Variants in BCAS4 observed in about 807,000 individuals in gnomAD.
BCAS4 encodes breast carcinoma amplified sequence 4.
In BCAS4, 9 loss-of-function variants were observed where a neutral mutation model predicts 15.7. That is an observed-to-expected ratio of 0.57 (90% CI 0.34 to 1.00). BCAS4 has a LOEUF of 1.00. BCAS4 is among the 50% of genes least tolerant of loss of function. The pLI is 0.02. For missense variants in BCAS4, 225 were observed against 239.1 expected, an observed-to-expected ratio of 0.94 and a Z score of 0.39; for synonymous variants, 101 against 99.5, an observed-to-expected ratio of 1.02 and a Z score of -0.09.
intron 4 of BCAS4, among the ~76,000 whole-genome samples, chr20:50,874,428 C>A (rs565575442): frequency 6.6e-6 from 1 of 152,216 alleles, no homozygotes; most frequent in Non-Finnish European, 1.5e-5. Context: ...ACTCCCCCAA[C>A]CCTCTAGGAT....
intron 3 of BCAS4, among the ~76,000 whole-genome samples, chr20:50,833,306 T>A (rs1335527244): frequency 2.0e-5 from 3 of 152,154 alleles, no homozygotes; most frequent in Admixed American, 2.0e-4. Flanking sequence ...CCATCCAAGG[T>A]CAGGACTTTG....
intron 4 of BCAS4, among the ~76,000 whole-genome samples, chr20:50,872,592 AAAG>A: frequency 6.6e-6 from 1 of 151,978 alleles, no homozygotes; most frequent in Non-Finnish European, 1.5e-5. Flanking sequence ...AAAAAAAAAA[AAAG>A]AAAAAAATCA....
intron 1 of BCAS4, among the ~76,000 whole-genome samples, chr20:50,805,806 C>A (rs188719479): frequency 2.0e-5 from 3 of 152,234 alleles, no homozygotes; most frequent in African/African-American, 7.2e-5. Flanking sequence ...AAAACCTCGT[C>A]TCTTCTAAAA....
chr20:50,859,369 G>C (rs1444114281), intron 4 of BCAS4, among the ~76,000 whole-genome samples: 2 of 152,216 alleles, frequency 1.3e-5, no homozygotes. Context: ...CCCTTGGCGT[G>C]GAAGGAGTAG....
intron 1 of BCAS4, among the ~76,000 whole-genome samples, chr20:50,808,063 A>G (rs1023958434): frequency 6.6e-6 from 1 of 151,330 alleles, no homozygotes; most frequent in African/African-American, 2.4e-5. Context: ...GCCCGCCACC[A>G]TGCCCGGCTA....
At chr20:50,817,103 AT>A (rs757281364) in intron 1 of BCAS4, among the ~76,000 whole-genome samples, 613 of 143,108 alleles carry the variant, frequency 4.3e-3, no homozygotes, top group Middle Eastern at 0.011. Flanking sequence ...ACCTGGGCTA[AT>A]TTTTTTTTTT....
chr20:50,852,366 T>TTG (rs34560943), intron 4 of BCAS4, among the ~76,000 whole-genome samples: 26,729 of 150,164 alleles, frequency 0.18, 2,698 homozygotes, highest in African/African-American at 0.29. Context: ...TTTTGTGGCT[T>TTG]TGTGTGTGTG....
intron 1 of BCAS4, among the ~76,000 whole-genome samples, chr20:50,811,173 T>A (rs955421855): frequency 1.3e-5 from 2 of 151,800 alleles, no homozygotes; most frequent in Non-Finnish European, 2.9e-5. Flanking sequence ...CCCCATTAGG[T>A]GTTTTCTGAG....
intron 2 of BCAS4, among the ~76,000 whole-genome samples, chr20:50,821,926 G>A (rs2088221136): frequency 6.6e-6 from 1 of 152,116 alleles, no homozygotes; most frequent in Admixed American, 6.6e-5. Context: ...GACATGTCAC[G>A]TTACCTCTCA....
intron 1 of BCAS4, among the ~76,000 whole-genome samples, chr20:50,816,218 G>T (rs2088135275): frequency 1.3e-5 from 2 of 152,060 alleles, no homozygotes; most frequent in South Asian, 4.1e-4. Flanking sequence ...TAGAGACGGG[G>T]TTTCGCCATG....
At chr20:50,820,766 C>T (rs937417613) in intron 2 of BCAS4, among the ~76,000 whole-genome samples, 1 of 152,074 alleles carries the variant, frequency 6.6e-6, no homozygotes, top group African/African-American at 2.4e-5. Context: ...CCAGGAGACT[C>T]AAGATTGCAG....
intron 4 of BCAS4, among the ~76,000 whole-genome samples, chr20:50,870,009 G>C (rs57183386): frequency 4.6e-5 from 7 of 151,854 alleles, no homozygotes; most frequent in African/African-American, 1.7e-4. Flanking sequence ...TCAGCTTCCC[G>C]AAGTGCTGGG....
intron 4 of BCAS4, among the ~76,000 whole-genome samples, chr20:50,846,033 C>T (rs2088539337): frequency 6.6e-6 from 1 of 152,242 alleles, no homozygotes; most frequent in Non-Finnish European, 1.5e-5. Context: ...CCTCTCAGCC[C>T]TACCTTTGAG....
At chr20:50,840,206 ATTTATT>A (rs1002937829) in intron 3 of BCAS4, among the ~76,000 whole-genome samples, 1 of 152,076 alleles carries the variant, frequency 6.6e-6, no homozygotes, top group African/African-American at 2.4e-5. Context: ...TTTTAATTTT[ATTTATT>A]TTTAAGTTTT....
intron 4 of BCAS4, among the ~76,000 whole-genome samples, chr20:50,870,288 T>A (rs1483192267): frequency 6.6e-6 from 1 of 151,414 alleles, no homozygotes; most frequent in Non-Finnish European, 1.5e-5. Flanking sequence ...GAGATGCGGG[T>A]GGGCCCAGAC....
chr20:50,865,704 G>GGGCAGC (rs1979322220), intron 4 of BCAS4, among the ~76,000 whole-genome samples: 1 of 152,204 alleles, frequency 6.6e-6, no homozygotes, highest in Non-Finnish European at 1.5e-5. Flanking sequence ...ACCAGCTGCT[G>GGGCAGC]TGGTCACTGG....
chr20:50,810,751 C>T lies in BCAS4; in HGVS notation c.91-7460C>T, dbSNP rs569525200. Among the ~76,000 whole-genome samples the T allele has an allele frequency of 5.9e-5, 9 of 152,014 alleles. No homozygotes were observed. In the South Asian group the frequency reaches 1.7e-3, roughly 28 times the overall value. On this transcript the variant is annotated intron_variant, in intron 1 of 4. Coordinates refer to ENST00000371608, the MANE Select transcript of BCAS4 (RefSeq NM_198799.4). ...GACTACAGCCGCCCGCAACAACGCC[C>T]GGCTAATTTTTTGTATTTTTAGTAG...
intron 2 of BCAS4, among the ~76,000 whole-genome samples, chr20:50,824,697 G>A (rs779394686): frequency 4.6e-5 from 7 of 152,150 alleles, no homozygotes; most frequent in African/African-American, 9.7e-5. Flanking sequence ...TCCATGTTGG[G>A]GAGACTGTAG....
At chr20:50,823,586 A>G (rs1600862004) in intron 2 of BCAS4, among the ~76,000 whole-genome samples, 1 of 152,084 alleles carries the variant, frequency 6.6e-6, no homozygotes, top group South Asian at 2.1e-4. Flanking sequence ...CTCTGAGAGG[A>G]CAAAGTGGGA....
Sources: allele counts gnomAD v4.1 joint callset (sites outside exome capture counted in the v4.1 genomes callset), GRCh38; gene constraint gnomAD v4.1.1; transcripts MANE v1.5; gene names NCBI Gene and HGNC (gene_info 2026-07-23, HGNC 2026-07-21).